The following FRS2 variants were observed in gnomAD, a reference collection of about 807,000 sequenced individuals.
FRS2 encodes fibroblast growth factor receptor substrate 2, also known as FGFR signalling adaptor.
Under a neutral mutation model 43.9 loss-of-function variants are expected in FRS2, and 8 were observed. The observed-to-expected ratio is 0.18, with a 90% CI of 0.11 to 0.33. The LOEUF is 0.33. Among genes scored for constraint, FRS2 ranks in the 10% least tolerant of loss-of-function variants. The pLI is 1.00. For synonymous variants in FRS2, 219 were observed against 220.3 expected, an observed-to-expected ratio of 0.99 and a Z score of 0.05; for missense variants, 534 against 627.6, an observed-to-expected ratio of 0.85 and a Z score of 1.59.
intron 3 of FRS2, among the ~76,000 whole-genome samples, chr12:69,544,104 C>CTT (rs77592131): frequency 3.0e-5 from 4 of 134,930 alleles, no homozygotes; most frequent in Admixed American, 7.5e-5. Context: ...GGGAGGCTTT[C>CTT]TTTTTTTTTT....
chr12:69,527,881 A>G (rs948567415), intron 1 of FRS2, among the ~76,000 whole-genome samples: 3 of 152,206 alleles, frequency 2.0e-5, no homozygotes, highest in Non-Finnish European at 4.4e-5. Context: ...ATTAAATTTC[A>G]TCATCCAACT....
chr12:69,571,466 A>G (rs912758825), intron 7 of FRS2, 32 bp downstream of exon 7: 3 of 1,551,152 alleles, frequency 1.9e-6, no homozygotes, highest in African/African-American at 1.4e-5. Flanking sequence ...CACATTTTGA[A>G]TAACAGACGT....
At chr12:69,566,616 T>TA (rs3834478) in intron 4 of FRS2, among the ~76,000 whole-genome samples, 75 of 149,888 alleles carry the variant, frequency 5.0e-4, no homozygotes, top group Non-Finnish European at 4.9e-4. Context: ...TTGGGGGATT[T>TA]AAAAAAAAAA....
At chr12:69,487,837 G>A (rs1872096518) in intron 1 of FRS2, among the ~76,000 whole-genome samples, 1 of 152,220 alleles carries the variant, frequency 6.6e-6, no homozygotes, top group Non-Finnish European at 1.5e-5. Context: ...ATTAATGGGA[G>A]TTTGGAAGAA....
Position 69,541,110 on chromosome 12 carries a change from TA to T in FRS2, c.-122+9057del, listed in dbSNP as rs548494734. Among the ~76,000 whole-genome samples, 478 of 152,314 alleles carry T rather than the reference TA, an allele frequency of 3.1e-3. 2 individuals are homozygous for T. The highest frequency in any genetic ancestry group is 0.02 in the Middle Eastern group (6 of 294). ...AAACTGAGTCCCTCAAGAATTTTTT[TA>T]AACCTAGAAGTCACATACTTTGCAA... On this transcript the variant is annotated intron_variant, in intron 3 of 8. Coordinates refer to ENST00000549921, the MANE Select transcript of FRS2 (RefSeq NM_001278356.2).
chr12:69,577,767 A>G lies in FRS2; in HGVS notation c.*2812A>G, dbSNP rs1364220803. ...TTCCCTCCCTCCAGGAAGACTGGCAAATATTTCCTTTTATTTACTGCTGCT... is the reference window on the plus strand; with the variant it reads ...TTCCCTCCCTCCAGGAAGACTGGCAGATATTTCCTTTTATTTACTGCTGCT... On this transcript the variant is annotated 3_prime_UTR_variant, in exon 9 of 9. Transcript: ENST00000549921. 1.3e-5 allele frequency: 2 copies of G among 152,606 alleles called. No individual in the cohort carries two copies. Among genetic ancestry groups the G allele is most frequent in the African/African-American group, 2.4e-5 (1 of 41,454 alleles). 9.5% of individuals were successfully genotyped at this position (152,606 alleles called of 1,614,324 possible).
At chr12:69,527,364 T>TTTTTTTTTTA (rs1329037357) in intron 1 of FRS2, among the ~76,000 whole-genome samples, 6 of 143,102 alleles carry the variant, frequency 4.2e-5, no homozygotes, top group Non-Finnish European at 7.7e-5. Context: ...TTTTTTTTTT[T>TTTTTTTTTTA]AAAGAGACAA....
intron 1 of FRS2, chr12:69,480,325 T>G (rs1197530635): frequency 1.3e-5 from 2 of 152,250 alleles, no homozygotes; most frequent in African/African-American, 2.4e-5. Flanking sequence ...TTTGAGTTTC[T>G]GCCTCTACAA....
chr12:69,545,985 T>C (rs77760019), intron 3 of FRS2, among the ~76,000 whole-genome samples: 2,824 of 152,140 alleles, frequency 0.019, 95 homozygotes, highest in African/African-American at 0.063. Flanking sequence ...AGTATACAAC[T>C]CTTGTAAGGA....
At chr12:69,573,679 T>C (rs887790443) in intron 8 of FRS2, among the ~76,000 whole-genome samples, 1 of 152,166 alleles carries the variant, frequency 6.6e-6, no homozygotes, top group Non-Finnish European at 1.5e-5. Flanking sequence ...GCCAGGATGG[T>C]CTCGAACTCC....
intron 1 of FRS2, among the ~76,000 whole-genome samples, chr12:69,525,150 C>G (rs908241480): frequency 2.6e-5 from 4 of 151,630 alleles, no homozygotes; most frequent in African/African-American, 7.3e-5. Context: ...AAGTTTTTAC[C>G]TTGATGCTCT....
intron 3 of FRS2, among the ~76,000 whole-genome samples, chr12:69,555,471 C>A (rs1237601296): frequency 6.6e-6 from 1 of 152,158 alleles, no homozygotes; most frequent in Non-Finnish European, 1.5e-5. Flanking sequence ...CGGATGCAAA[C>A]TTTTCTGGTA....
Position 69,575,043 on chromosome 12 carries a change from TC to T in FRS2, c.*90del. 1 of 839,890 alleles carries T rather than the reference TC, an allele frequency of 1.2e-6. No individual in the cohort carries two copies. Among genetic ancestry groups the T allele is most frequent in the South Asian group, 1.7e-5 (1 of 59,654 alleles). The allele number at this position is 839,890 out of a possible 1,614,324, so 52.0% of individuals were successfully genotyped here. ...TTCATTTTCATTTCTAAACACTAACTCCTTTTATAGACTGATAAAATTTTTT... is the reference window on the plus strand; with the variant it reads ...TTCATTTTCATTTCTAAACACTAACTCTTTTATAGACTGATAAAATTTTTT... On this transcript the variant is annotated 3_prime_UTR_variant, in exon 9 of 9. Coordinates refer to ENST00000549921, the MANE Select transcript of FRS2 (RefSeq NM_001278356.2).
At chr12:69,521,335 T>C (rs558158955) in intron 1 of FRS2, among the ~76,000 whole-genome samples, 100 of 152,326 alleles carry the variant, frequency 6.6e-4, no homozygotes, top group African/African-American at 2.0e-3. Context: ...TATAGAATTA[T>C]GTTGTCTGCA....
intron 3 of FRS2, among the ~76,000 whole-genome samples, chr12:69,540,414 A>G (rs1163992017): frequency 1.3e-5 from 2 of 152,104 alleles, no homozygotes; most frequent in Non-Finnish European, 2.9e-5. Context: ...GAGTCACCTA[A>G]AAGAGCTAAC....
intron 1 of FRS2, among the ~76,000 whole-genome samples, chr12:69,506,261 GTTTTTGT>G (rs911651052): frequency 9.2e-5 from 14 of 151,948 alleles, no homozygotes; most frequent in African/African-American, 1.4e-4. Context: ...GTTGGGGTTT[GTTTTTGT>G]TTTTTGTTTT....
intron 1 of FRS2, among the ~76,000 whole-genome samples, chr12:69,506,849 T>G (rs775852864): frequency 2.0e-5 from 3 of 151,988 alleles, no homozygotes; most frequent in Non-Finnish European, 4.4e-5. Flanking sequence ...CTTTAAGAAG[T>G]GGTTAGGTCA....
chr12:69,579,038 C>T lies in FRS2; in HGVS notation c.*4083C>T, dbSNP rs576623715. The T allele has an allele frequency of 2.6e-5, 4 of 152,756 alleles. No homozygotes were observed. In the South Asian group the frequency reaches 8.3e-4, roughly 32 times the overall value. The allele number at this position is 152,756 out of a possible 1,614,324, so 9.5% of individuals were successfully genotyped here. On this transcript the variant is annotated 3_prime_UTR_variant, in exon 9 of 9. Coordinates refer to ENST00000549921, the MANE Select transcript of FRS2 (RefSeq NM_001278356.2). ...TTTTAATATTGGCAAAACGTAACCA[C>T]TGTTAATTAAAATAAAACCTTGTTG...
At chr12:69,561,759 T>C (rs1879897668) in intron 3 of FRS2, among the ~76,000 whole-genome samples, 1 of 152,162 alleles carries the variant, frequency 6.6e-6, no homozygotes, top group South Asian at 2.1e-4. Context: ...GGAATTATGG[T>C]GAGTGAGGTT....
Sources: allele counts gnomAD v4.1 joint callset (sites outside exome capture counted in the v4.1 genomes callset), GRCh38; gene constraint gnomAD v4.1.1; transcripts MANE v1.5; gene names NCBI Gene and HGNC (gene_info 2026-07-23, HGNC 2026-07-21).